NACC2: variants seen among roughly 807,000 people sequenced by gnomAD.
NACC2 encodes the protein nucleus accumbens-associated protein 2.
A neutral mutation model predicts 25.1 loss-of-function variants in NACC2; 8 were observed. That is an observed-to-expected ratio of 0.32 (90% CI 0.19 to 0.57). NACC2 has a LOEUF of 0.57. Ranked by LOEUF, NACC2 falls within the 20% of genes least tolerant of loss-of-function variation. The pLI is 0.89. For missense variants in NACC2, 644 were observed against 650.2 expected (o/e 0.99, Z 0.10); for synonymous variants, 435 against 294.7 (o/e 1.48, Z -4.88).
Position 136,007,554 on chromosome 9 carries a change from C to CACAGGCGCACAT in NACC2, c.*3961_*3962insATGTGCGCCTGT, listed in dbSNP as rs56146602. ...AGACGTGCACACACAGACACGCACA[C>CACAGGCGCACAT]ACACACAGACACGCGCACACGCACA... On this transcript the variant is annotated 3_prime_UTR_variant, in exon 6 of 6. Transcript: ENST00000277554. The CACAGGCGCACAT allele has an allele frequency of 1.3e-5, 2 of 150,192 alleles. No homozygotes were observed. The highest frequency in any genetic ancestry group is 2.5e-5 in the African/African-American group (1 of 40,584). The allele number at this position is 150,192 out of a possible 1,614,324, so 9.3% of individuals were successfully genotyped here.
At position 136,013,956 on chromosome 9, in the gene NACC2, G is replaced by A. The variant is rs762654841; in HGVS notation, c.1065C>T (p.Tyr355=). The A allele has an allele frequency of 5.6e-6, 9 of 1,604,080 alleles. No homozygotes were observed. Among genetic ancestry groups the A allele is most frequent in the African/African-American group, 1.3e-5 (1 of 74,624 alleles). The change falls in exon 4 of 6, where the codon TAC becomes TAT. Residue 355 remains tyrosine, a synonymous_variant. Transcript: ENST00000277554. The surrounding 1 kb of genome is among the most constrained non-coding windows in gnomAD (Gnocchi z 6.6). ...AGTTCATCAGCTGGCCGCGTGTGATGTAGACCCCAGAGCCTGCAGCCACCA... is the reference window on the plus strand; with the variant it reads ...AGTTCATCAGCTGGCCGCGTGTGATATAGACCCCAGAGCCTGCAGCCACCA... The part of the protein sequence containing the change: ...KLELVAGSGV[Y]ITRGQLMNCH...
chr9:136,041,730 T>C (rs2131155040), intron 2 of NACC2, among the ~76,000 whole-genome samples: 1 of 152,326 alleles, frequency 6.6e-6, no homozygotes, highest in South Asian at 2.1e-4. Context: ...ATTATTACTT[T>C]AAACAGATGA....
intron 5 of NACC2, among the ~76,000 whole-genome samples, chr9:136,012,386 C>T (rs2131130863): frequency 6.6e-6 from 1 of 152,392 alleles, no homozygotes; most frequent in Non-Finnish European, 1.5e-5. Flanking sequence ...ACACACCCCT[C>T]CCCGTCCCAG....
At chr9:136,026,686 G>A (rs1035755921) in intron 2 of NACC2, among the ~76,000 whole-genome samples, 1 of 152,186 alleles carries the variant, frequency 6.6e-6, no homozygotes, top group Admixed American at 6.5e-5. Flanking sequence ...AACATACACA[G>A]AATTAACACA....
chr9:136,092,256 AGGGAGCT>A (rs1830441005), intron 1 of NACC2, among the ~76,000 whole-genome samples: 2 of 152,084 alleles, frequency 1.3e-5, no homozygotes, highest in South Asian at 2.1e-4. Flanking sequence ...CCCAGGACCC[AGGGAGCT>A]GGGTCTGCAG....
Position 136,055,910 on chromosome 9 carries a change from G to A in NACC2, c.-59-5330C>T, listed in dbSNP as rs1840917673. Among the ~76,000 whole-genome samples the A allele has an allele frequency of 6.6e-6, 1 of 152,198 alleles. No homozygotes were observed. The highest frequency in any genetic ancestry group is 1.5e-5 in the Non-Finnish European group (1 of 68,036). On this transcript the variant is annotated intron_variant, in intron 1 of 5. Coordinates refer to ENST00000277554, the MANE Select transcript of NACC2 (RefSeq NM_144653.5). This position sits in a 1 kb window ranked among gnomAD's most constrained non-coding sequence, Gnocchi z 4.9. ...GAGCGTGAGAAGGTGTGGGGATGGG[G>A]CGGGCCTGCTGTGCCAGGTGCTCTG...
At chr9:136,035,476 G>T (rs1840537856) in intron 2 of NACC2, among the ~76,000 whole-genome samples, 1 of 152,138 alleles carries the variant, frequency 6.6e-6, no homozygotes, top group Admixed American at 6.6e-5. Context: ...TGTCAAAAAA[G>T]ATAGAGGCTG....
rs1188238851 is a variant in NACC2, at chr9:136,084,922, C to T, written c.-60+10267G>A. Among the ~76,000 whole-genome samples the T allele has an allele frequency of 6.6e-6, 1 of 152,030 alleles. No homozygotes were observed. On this transcript the variant is annotated intron_variant, in intron 1 of 5. Transcript: ENST00000277554. This position sits in a 1 kb window ranked among gnomAD's most constrained non-coding sequence, Gnocchi z 5.1. Reference sequence around the variant, plus strand: ...GAAGTAGAAAGGTGCCTGCCAGGGGCTGGGGCAAGGATGGGGAGTTTGTGT... The same window carrying T: ...GAAGTAGAAAGGTGCCTGCCAGGGGTTGGGGCAAGGATGGGGAGTTTGTGT...
chr9:136,094,656 C>A (rs1423617792), intron 1 of NACC2, among the ~76,000 whole-genome samples: 3 of 151,954 alleles, frequency 2.0e-5, no homozygotes, highest in Non-Finnish European at 4.4e-5. Context: ...CGGTGACGAC[C>A]CACGAACGGG....
chr9:136,058,736 T>C (rs1239454608), intron 1 of NACC2, among the ~76,000 whole-genome samples: 1 of 151,940 alleles, frequency 6.6e-6, no homozygotes, highest in Admixed American at 6.6e-5. Context: ...AAAATAAAAG[T>C]TGAAAAAAGG....
chr9:136,062,865 C>G (rs12349461), intron 1 of NACC2, among the ~76,000 whole-genome samples: 1 of 152,110 alleles, frequency 6.6e-6, no homozygotes, highest in Non-Finnish European at 1.5e-5. Flanking sequence ...CGCAGTGTGC[C>G]GTGATCGTGC....
In NACC2 at chr9:136,012,010, A is replaced by G. The variant is rs1325902111; in HGVS notation, c.1270T>C (p.Phe424Leu). 6.3e-7 allele frequency: 1 copy of G among 1,588,772 alleles called. No homozygotes were observed. Among genetic ancestry groups the G allele is most frequent in the South Asian group, 1.1e-5 (1 of 88,432 alleles). Residue 424 changes from phenylalanine to leucine, a missense_variant, in exon 6 of 6, where the codon TTC becomes CTC. Phe to Leu is a conservative substitution (Grantham distance 22). Coordinates refer to ENST00000277554, the MANE Select transcript of NACC2 (RefSeq NM_144653.5). ...TCGCTCTCCTTGAAGCTGGGGGCGA[A>G]GTTCTGACAGTACACTGTGAGGACG... is the stretch of plus-strand genomic sequence containing the variant. ...LNAVKLYCQN[F>L]APSFKESEMN...
chr9:136,041,088 G>A (rs1185276510), intron 2 of NACC2, among the ~76,000 whole-genome samples: 1 of 40,116 alleles, frequency 2.5e-5, no homozygotes, highest in Non-Finnish European at 7.3e-5. Context: ...AAGGAAGGAA[G>A]CAAAGGAAAG....
At position 136,055,645 on chromosome 9, in the gene NACC2, AAAATT is replaced by A. The variant is rs369756002; in HGVS notation, c.-59-5070_-59-5066del. 1.7e-4 allele frequency among the ~76,000 whole-genome samples: 26 copies of A among 152,350 alleles called. No homozygotes were observed. The highest frequency in any genetic ancestry group is 6.2e-4 in the South Asian group (3 of 4,830). On this transcript the variant is annotated intron_variant, in intron 1 of 5. Transcript: ENST00000277554. The surrounding 1 kb of genome is among the most constrained non-coding windows in gnomAD (Gnocchi z 4.9). ...ACCAGCAAGGGGAAGGGAGGCGAGAAAAATTAAATTAAATTAAATTATCTTGCAGG... is the reference window on the plus strand; with the variant it reads ...ACCAGCAAGGGGAAGGGAGGCGAGAAAAATTAAATTAAATTATCTTGCAGG...
intron 1 of NACC2, among the ~76,000 whole-genome samples, chr9:136,069,548 AAAAAC>A (rs377428585): frequency 0.03 from 4,579 of 151,114 alleles, 314 homozygotes; most frequent in African/African-American, 0.1. Context: ...AACTCTGTCA[AAAAAC>A]AAAACAAAAC....
Position 136,055,511 on chromosome 9 carries a change from C to T in NACC2, c.-59-4931G>A, listed in dbSNP as rs908565315. 3.3e-5 allele frequency among the ~76,000 whole-genome samples: 5 copies of T among 152,162 alleles called. No individual in the cohort carries two copies. The highest frequency in any genetic ancestry group is 7.4e-5 in the Non-Finnish European group (5 of 68,026). ...GCAGCTCCATGGTCTGAGGGCCTCG[C>T]CCAGAGTCCCCAGAAACCCTGCCCC... On this transcript the variant is annotated intron_variant, in intron 1 of 5. Coordinates refer to ENST00000277554, the MANE Select transcript of NACC2 (RefSeq NM_144653.5). This position sits in a 1 kb window ranked among gnomAD's most constrained non-coding sequence, Gnocchi z 4.9.
chr9:136,068,329 C>G (rs1198261477), intron 1 of NACC2, among the ~76,000 whole-genome samples: 1 of 151,638 alleles, frequency 6.6e-6, no homozygotes, highest in Non-Finnish European at 1.5e-5. Flanking sequence ...AAAACCCTGT[C>G]TCTACCAAAA....
At chr9:136,092,496 C>CA (rs1190052281) in intron 1 of NACC2, among the ~76,000 whole-genome samples, 3 of 152,240 alleles carry the variant, frequency 2.0e-5, no homozygotes, top group Non-Finnish European at 4.4e-5. Flanking sequence ...TCCACGGCCT[C>CA]ACACCACAGG....
intron 2 of NACC2, among the ~76,000 whole-genome samples, chr9:136,039,103 G>C (rs996403302): frequency 6.1e-4 from 93 of 152,190 alleles, no homozygotes; most frequent in Non-Finnish European, 1.1e-3. Context: ...TAAGACACAG[G>C]TAAGTTAAAA....
Sources: gnomAD v4.1 joint callset for allele counts (sites outside exome capture counted in the v4.1 genomes callset) on GRCh38, gnomAD v4.1.1 for gene constraint, Gnocchi (gnomAD v3.1) non-coding constraint, MANE v1.5 for transcripts, NCBI Gene and HGNC (gene_info 2026-07-23, HGNC 2026-07-21) for gene names.